Variants in KDM3B observed in about 807,000 individuals in gnomAD.
KDM3B encodes the protein lysine-specific demethylase 3B.
Under a neutral mutation model 170.0 loss-of-function variants are expected in KDM3B, and 10 were observed. That is an observed-to-expected ratio of 0.06 (90% CI 0.04 to 0.10). The LOEUF (loss-of-function observed/expected upper bound fraction) is 0.10, where lower values mean the gene tolerates loss of function less well. Among genes scored for constraint, KDM3B ranks in the 10% least tolerant of loss-of-function variants. The pLI is 1.00. For synonymous variants in KDM3B, 831 were observed against 834.8 expected (o/e 1.00, Z 0.08); for missense variants, 1,394 against 2,195.2 (o/e 0.64, Z 7.29).
At chr5:138,419,555 TG>T (rs1763200325) in intron 14 of KDM3B, among the ~76,000 whole-genome samples, 1 of 147,450 alleles carries the variant, frequency 6.8e-6, no homozygotes, top group South Asian at 2.2e-4. Context: ...CTTGGGAGGC[TG>T]AGGCAGGAGA....
Position 138,391,475 on chromosome 5 carries a change from C to T in KDM3B, c.1843C>T (p.Pro615Ser). The T allele has an allele frequency of 6.2e-7, 1 of 1,614,160 alleles. No individual in the cohort carries two copies. Among genetic ancestry groups the T allele is most frequent in the African/African-American group, 1.3e-5 (1 of 75,038 alleles). ...FPRSLLNARTPENHENLFLQP... is the reference protein window; with the variant it reads ...FPRSLLNARTSENHENLFLQP... ...ACGGAGCCTCCTAAATGCCCGTACC[C>T]CAGAGAATCATGAAAATCTATTTTT... The change falls in exon 8 of 24, where the codon CCA (proline) becomes TCA (serine). Residue 615 changes from proline (P) to serine (S), a missense_variant. Around this residue, in one of 19 missense-constraint regions of KDM3B, gnomAD observed 294 missense variants for 311.7 expected, o/e 0.94. Coordinates refer to ENST00000314358, the MANE Select transcript of KDM3B (RefSeq NM_016604.4). The surrounding 1 kb of genome is among the most constrained non-coding windows in gnomAD (Gnocchi z 5.0).
intron 19 of KDM3B, 70 bp downstream of exon 19, chr5:138,427,389 T>G: frequency 1.3e-6 from 2 of 1,526,472 alleles, no homozygotes; most frequent in Non-Finnish European, 9.0e-7. Context: ...GAAGGATATC[T>G]GTGGTCAATG....
At chr5:138,384,599 C>A (rs890569656) in intron 6 of KDM3B, among the ~76,000 whole-genome samples, 3 of 151,882 alleles carry the variant, frequency 2.0e-5, no homozygotes, top group Non-Finnish European at 4.4e-5. Context: ...ATTAGCTGGG[C>A]ATGGTGGCAG....
intron 11 of KDM3B, among the ~76,000 whole-genome samples, chr5:138,401,270 C>CAAA (rs555563348): frequency 3.6e-4 from 48 of 132,514 alleles, no homozygotes; most frequent in African/African-American, 1.1e-3. Flanking sequence ...GACTTCATCT[C>CAAA]AAAAAAAAAA....
intron 11 of KDM3B, among the ~76,000 whole-genome samples, chr5:138,409,790 T>A (rs1762913148): frequency 6.6e-6 from 1 of 152,042 alleles, no homozygotes; most frequent in Admixed American, 6.6e-5. Context: ...AAAATAACAA[T>A]AATGAAAAAT....
chr5:138,404,899 G>C (rs1762777405), intron 11 of KDM3B, among the ~76,000 whole-genome samples: 1 of 149,236 alleles, frequency 6.7e-6, no homozygotes, highest in Admixed American at 6.7e-5. Context: ...TAATTTTTGT[G>C]GGGTTTTTTA....
In KDM3B at chr5:138,425,525, G is replaced by A. The variant is rs746865565; in HGVS notation, c.4354G>A (p.Ala1452Thr). ...AGACTTGGTGAACTGCAGGAACTGT[G>A]CTATAATTTCCGATGTGAAAGTTCG... ...DVDLVNCRNC[A>T]IISDVKVRDF... Residue 1452 changes from alanine (A) to threonine (T), a missense_variant, in exon 17 of 24, where the codon GCT (alanine) becomes ACT (threonine). Around this residue, in one of 19 missense-constraint regions of KDM3B, gnomAD observed 66 missense variants for 178.8 expected, o/e 0.37. Transcript: ENST00000314358. 6.8e-6 allele frequency: 11 copies of A among 1,613,980 alleles called. No homozygotes were observed. The South Asian group carries it at 9.9e-5, about 14-fold the overall frequency.
At chr5:138,395,248 C>G (rs1365523643) in intron 9 of KDM3B, among the ~76,000 whole-genome samples, 1 of 152,132 alleles carries the variant, frequency 6.6e-6, no homozygotes, top group African/African-American at 2.4e-5. Context: ...GTATTTAAAG[C>G]TGTCAGTCTA....
intron 7 of KDM3B, among the ~76,000 whole-genome samples, chr5:138,387,691 T>C (rs1430718173): frequency 6.6e-6 from 1 of 152,342 alleles, no homozygotes; most frequent in South Asian, 2.1e-4. Context: ...TGTTGATGGT[T>C]TGTCCTGTTG....
At chr5:138,394,460 TAGAG>T (rs2059160240) in intron 9 of KDM3B, among the ~76,000 whole-genome samples, 1 of 152,118 alleles carries the variant, frequency 6.6e-6, no homozygotes, top group Non-Finnish European at 1.5e-5. Context: ...GTGAGGATGC[TAGAG>T]AGGCTACAGT....
intron 15 of KDM3B, among the ~76,000 whole-genome samples, 163 bp from the exon 16 acceptor site, chr5:138,423,912 G>A (rs749265952): frequency 1.3e-5 from 2 of 152,166 alleles, no homozygotes; most frequent in African/African-American, 2.4e-5. Flanking sequence ...TTAAGATGTT[G>A]ACTTATTATC....
At chr5:138,355,273 G>A (rs2126900633) in intron 1 of KDM3B, among the ~76,000 whole-genome samples, 1 of 152,316 alleles carries the variant, frequency 6.6e-6, no homozygotes, top group East Asian at 1.9e-4. Context: ...GGATGAATGA[G>A]TTTCTGAAGT....
At chr5:138,416,689 T>C (rs1396048847) in intron 12 of KDM3B, among the ~76,000 whole-genome samples, 10 of 152,064 alleles carry the variant, frequency 6.6e-5, no homozygotes. Context: ...GCCAAAGGGT[T>C]TCCTGAGTGC....
At chr5:138,417,881 G>T in intron 13 of KDM3B, 1 of 310,786 alleles carries the variant, frequency 3.2e-6, no homozygotes. Context: ...CATACCTCAG[G>T]GTCTTTGTAT....
Position 138,381,442 on chromosome 5 carries a change from A to G in KDM3B, c.706-74A>G, listed in dbSNP as rs980647046. On this transcript the variant is annotated intron_variant, in intron 5 of 23. Coordinates refer to ENST00000314358, the MANE Select transcript of KDM3B (RefSeq NM_016604.4). The stretch of plus-strand genomic sequence containing the variant: ...GAGTTGAATCAATAAAGAGATAATT[A>G]CATTGATTAGGAAATTATATAATTA... 28 of 941,128 alleles carry G rather than the reference A, an allele frequency of 3.0e-5. 1 individual carries two copies. Among genetic ancestry groups the G allele is most frequent in the South Asian group, 5.5e-5 (4 of 72,202 alleles). The allele number at this position is 941,128 out of a possible 1,614,324, so 58.3% of individuals were successfully genotyped here.
rs549367347 is a variant in KDM3B, at chr5:138,384,103, G to A, written c.781-1919G>A. On this transcript the variant is annotated intron_variant, in intron 6 of 23. Transcript: ENST00000314358. ...ACTAAAAATACAAAAAAAATTAGCCGGGCGCGGTGGCGGGCACCTGTAGTC... is the reference window on the plus strand; with the variant it reads ...ACTAAAAATACAAAAAAAATTAGCCAGGCGCGGTGGCGGGCACCTGTAGTC... Among the ~76,000 whole-genome samples the A allele has an allele frequency of 2.8e-4, 43 of 151,022 alleles. 1 individual carries two copies. The highest frequency in any genetic ancestry group is 3.6e-3 in the Middle Eastern group (1 of 280).
At chr5:138,384,411 C>T (rs991540347) in intron 6 of KDM3B, among the ~76,000 whole-genome samples, 1 of 151,752 alleles carries the variant, frequency 6.6e-6, no homozygotes, top group African/African-American at 2.4e-5. Context: ...ACCAGCCTGG[C>T]CAACATGGCG....
At chr5:138,376,800 T>C (rs977307087) in intron 3 of KDM3B, among the ~76,000 whole-genome samples, 1 of 151,846 alleles carries the variant, frequency 6.6e-6, no homozygotes, top group Non-Finnish European at 1.5e-5. Flanking sequence ...ATTATTGACA[T>C]CCAGGAGTTT....
At chr5:138,373,610 G>A (rs1761927112) in intron 2 of KDM3B, among the ~76,000 whole-genome samples, 1 of 152,072 alleles carries the variant, frequency 6.6e-6, no homozygotes. Flanking sequence ...AGCCTCCCAA[G>A]TAGCTGGGAC....
Sources: gnomAD v4.1 joint callset for allele counts (sites outside exome capture counted in the v4.1 genomes callset) on GRCh38, gnomAD v4.1.1 for gene constraint, gnomAD v4.1.1 regional missense constraint, Gnocchi (gnomAD v3.1) non-coding constraint, MANE v1.5 for transcripts, NCBI Gene and HGNC (gene_info 2026-07-23, HGNC 2026-07-21) for gene names.